Variants in UNC13C observed in about 807,000 individuals in gnomAD.
UNC13C encodes the protein unc-13 homolog C, also known as protein unc-13 homolog C.
UNC13C carries 174 observed loss-of-function variants against 245.4 expected under a neutral mutation model. The observed-to-expected ratio is 0.71, with a 90% CI of 0.63 to 0.80. The LOEUF (loss-of-function observed/expected upper bound fraction) is 0.80. UNC13C is among the 30% of genes least tolerant of loss of function. The pLI is 0.00. For missense variants in UNC13C, 2,829 were observed against 2,602.9 expected, an observed-to-expected ratio of 1.09 and a Z score of -1.89; for synonymous variants, 992 against 895.1, an observed-to-expected ratio of 1.11 and a Z score of -1.93.
In UNC13C at chr15:54,249,560, G is replaced by T. The variant is rs183046275; in HGVS notation, c.3229-665G>T. Among the ~76,000 whole-genome samples, 6 of 152,162 alleles carry T rather than the reference G, an allele frequency of 3.9e-5. No homozygotes were observed. The East Asian group carries it at 1.2e-3, about 29-fold the overall frequency. ...CCCCTTTTAAATATCATGTAGTTGG[G>T]CCTAGGAGAACTCAGATCTCCTACC... On this transcript the variant is annotated intron_variant, in intron 7 of 32. Coordinates refer to ENST00000260323, the MANE Select transcript of UNC13C (RefSeq NM_001080534.3).
chr15:54,330,856 G>A (rs544106193), intron 14 of UNC13C, among the ~76,000 whole-genome samples: 1 of 152,106 alleles, frequency 6.6e-6, no homozygotes, highest in East Asian at 1.9e-4. Context: ...TGCCTAAGAA[G>A]ATTGCATGCT....
intron 19 of UNC13C, among the ~76,000 whole-genome samples, chr15:54,457,892 G>GTTTTTTTTTTTTTTCCTTTTTTTTTTT (rs34133938): frequency 8.1e-6 from 1 of 122,992 alleles, no homozygotes; most frequent in Non-Finnish European, 1.6e-5. Flanking sequence ...TCTGCTTTTC[G>GTTTTTTTTTTTTTTCCTTTTTTTTTTT]TTTTTTTTTT....
chr15:54,514,749 T>C (rs1201280311), intron 24 of UNC13C, among the ~76,000 whole-genome samples: 3 of 152,184 alleles, frequency 2.0e-5, no homozygotes, highest in Non-Finnish European at 4.4e-5. Flanking sequence ...AAAAAGAGTG[T>C]TTAAAACCCT....
chr15:53,976,474 TCTC>T (rs1184090702), upstream of UNC13C, among the ~76,000 whole-genome samples: 8 of 69,072 alleles, frequency 1.2e-4, no homozygotes, highest in East Asian at 2.0e-3. Flanking sequence ...TCTCTCTCTC[TCTC>T]TTTTTTTTTT....
chr15:54,579,876 T>G (rs999075884), intron 30 of UNC13C, among the ~76,000 whole-genome samples: 5 of 152,220 alleles, frequency 3.3e-5, no homozygotes, highest in African/African-American at 1.2e-4. Context: ...CGATTAAAAT[T>G]AAGTGCCGAG....
intron 2 of UNC13C, among the ~76,000 whole-genome samples, chr15:54,041,925 T>C (rs1346811643): frequency 6.6e-6 from 1 of 152,216 alleles, no homozygotes; most frequent in Non-Finnish European, 1.5e-5. Flanking sequence ...GAGGATTAGT[T>C]GATAAGATTT....
At chr15:54,061,082 C>A (rs746294166) in intron 2 of UNC13C, among the ~76,000 whole-genome samples, 7 of 150,058 alleles carry the variant, frequency 4.7e-5, no homozygotes, top group Non-Finnish European at 1.0e-4. Flanking sequence ...CAAACGTGCA[C>A]GTTGTGCACA....
intron 1 of UNC13C, among the ~76,000 whole-genome samples, chr15:53,991,948 G>C (rs1894410303): frequency 6.6e-6 from 1 of 151,942 alleles, no homozygotes; most frequent in Admixed American, 6.6e-5. Flanking sequence ...GTACTCCCAT[G>C]GAATATTCTT....
At chr15:54,321,354 A>G (rs1360818314) in intron 13 of UNC13C, 9 of 479,096 alleles carry the variant, frequency 1.9e-5, no homozygotes, top group Non-Finnish European at 3.3e-5. Context: ...AATGCCACCC[A>G]CCAAGATCTT....
At chr15:54,233,531 A>G (rs533962553) in intron 4 of UNC13C, among the ~76,000 whole-genome samples, 1 of 152,180 alleles carries the variant, frequency 6.6e-6, no homozygotes, top group East Asian at 1.9e-4. Flanking sequence ...GCATTTATTA[A>G]TTCATTTTAT....
At chr15:54,157,271 C>T (rs2032789025) in intron 4 of UNC13C, among the ~76,000 whole-genome samples, 1 of 152,116 alleles carries the variant, frequency 6.6e-6, no homozygotes, top group Non-Finnish European at 1.5e-5. Context: ...AATTAGAAGG[C>T]CTAGTTTTAA....
intron 18 of UNC13C, among the ~76,000 whole-genome samples, chr15:54,407,645 T>C (rs1240057141): frequency 1.3e-5 from 2 of 152,158 alleles, no homozygotes; most frequent in African/African-American, 4.8e-5. Flanking sequence ...TGTATCATAA[T>C]GTTTTATAAT....
chr15:54,498,843 C>A (rs1894071494), intron 20 of UNC13C, among the ~76,000 whole-genome samples: 1 of 152,092 alleles, frequency 6.6e-6, no homozygotes, highest in Non-Finnish European at 1.5e-5. Flanking sequence ...TTCAATACAA[C>A]CCTATGCAAA....
In UNC13C at chr15:54,154,537, T is replaced by A. The variant is rs554924963; in HGVS notation, c.3071+10853T>A. Among the ~76,000 whole-genome samples the A allele has an allele frequency of 6.6e-5, 10 of 152,324 alleles. No homozygotes were observed. The South Asian group carries it at 2.1e-3, about 32-fold the overall frequency. On this transcript the variant is annotated intron_variant, in intron 4 of 32. Transcript: ENST00000260323. ...CAAGATAACCTAGGTTATGATACAGTAATTAACAACTACCAAATTTCAGTA... is the reference window on the plus strand; with the variant it reads ...CAAGATAACCTAGGTTATGATACAGAAATTAACAACTACCAAATTTCAGTA...
intron 10 of UNC13C, among the ~76,000 whole-genome samples, chr15:54,285,557 T>G (rs753472068): frequency 3.0e-4 from 45 of 152,176 alleles, no homozygotes; most frequent in Non-Finnish European, 6.2e-4. Flanking sequence ...ACTAGAGAAT[T>G]TAATTACTGT....
chr15:53,932,570 G>C, the UNC13C span, among the ~76,000 whole-genome samples: 613 of 152,212 alleles, frequency 4.0e-3, 8 homozygotes, highest in Middle Eastern at 6.8e-3. Context: ...TTTTCTTCAA[G>C]AAACTCTCCC....
At chr15:53,944,027 T>C in the UNC13C span, among the ~76,000 whole-genome samples, 2 of 152,144 alleles carry the variant, frequency 1.3e-5, no homozygotes, top group Non-Finnish European at 2.9e-5. Context: ...AAGTTTCTGG[T>C]AGACAGCATA....
At chr15:54,617,761 T>A (rs1471250044) in intron 30 of UNC13C, among the ~76,000 whole-genome samples, 4 of 152,154 alleles carry the variant, frequency 2.6e-5, no homozygotes, top group Non-Finnish European at 5.9e-5. Context: ...TCTTGGATGA[T>A]GCCTAATGAC....
At chr15:54,221,265 AAG>A (rs768670996) in intron 4 of UNC13C, among the ~76,000 whole-genome samples, 46 of 152,086 alleles carry the variant, frequency 3.0e-4, no homozygotes, top group Non-Finnish European at 4.6e-4. Context: ...TAAAATAATG[AAG>A]AGAGATGGTG....
Sources: gnomAD v4.1 joint callset for allele counts (sites outside exome capture counted in the v4.1 genomes callset) on GRCh38, gnomAD v4.1.1 for gene constraint, MANE v1.5 for transcripts, NCBI Gene and HGNC (gene_info 2026-07-23, HGNC 2026-07-21) for gene names.